ADAMTSL1: variants seen among roughly 807,000 people sequenced by gnomAD.
ADAMTSL1 encodes ADAMTS-like protein 1.
ADAMTSL1 carries 126 observed loss-of-function variants against 201.8 expected under a neutral mutation model. The ratio of observed to expected loss-of-function variants is 0.62; its 90% CI spans 0.54 to 0.72. The LOEUF (loss-of-function observed/expected upper bound fraction) is 0.72. Ranked by LOEUF, ADAMTSL1 falls within the 30% of genes least tolerant of loss-of-function variation. The probability of loss-of-function intolerance (pLI) is 0.00; values close to 1 mark genes in which losing one functional copy is unlikely to be tolerated. For missense variants in ADAMTSL1, 2,679 were observed against 2,277.8 expected (o/e 1.18, Z -3.59); for synonymous variants, 1,121 against 903.4 (o/e 1.24, Z -4.32).
intron 7 of ADAMTSL1, among the ~76,000 whole-genome samples, chr9:18,648,938 T>A (rs1166487997): frequency 2.0e-5 from 3 of 152,348 alleles, no homozygotes; most frequent in Admixed American, 2.0e-4. Flanking sequence ...TTGGCCTGCC[T>A]TGCTAGATTG....
At chr9:17,925,719 G>C (rs10963343) in intron 1 of ADAMTSL1, among the ~76,000 whole-genome samples, 74,869 of 119,820 alleles carry the variant, frequency 0.62, 24,580 homozygotes, top group Admixed American at 0.7. Context: ...GTGGGGGGAG[G>C]GGGGAGGGAT....
chr9:17,933,921 C>T (rs549210044), intron 1 of ADAMTSL1, among the ~76,000 whole-genome samples: 1 of 152,128 alleles, frequency 6.6e-6, no homozygotes, highest in African/African-American at 2.4e-5. Context: ...CTCAAAGATA[C>T]TTGTTTCTGT....
At chr9:18,106,459 C>G (rs1316618488) in intron 1 of ADAMTSL1, among the ~76,000 whole-genome samples, 1 of 152,128 alleles carries the variant, frequency 6.6e-6, no homozygotes, top group Non-Finnish European at 1.5e-5. Context: ...TTTTTCAGGA[C>G]AAGTTTCAAC....
At position 18,504,349 on chromosome 9, in the gene ADAMTSL1, A is replaced by C. The variant is rs148696396; in HGVS notation, c.64-480A>C. 9.5e-3 allele frequency among the ~76,000 whole-genome samples: 1,445 copies of C among 152,296 alleles called. 27 individuals carry two copies. Among genetic ancestry groups the C allele is most frequent in the South Asian group, 0.08 (383 of 4,814 alleles). On this transcript the variant is annotated intron_variant, in intron 1 of 28. Transcript: ENST00000380548. ...AGTTATTCCAACGAGCACATCTGAA[A>C]ACTAGGAATGCAGTTGCTTTATTAA...
chr9:17,948,148 T>C (rs371629751), intron 1 of ADAMTSL1, among the ~76,000 whole-genome samples: 9 of 152,334 alleles, frequency 5.9e-5, no homozygotes, highest in African/African-American at 2.2e-4. Flanking sequence ...AGCTTATTGC[T>C]GCCGGGAGGG....
At chr9:18,122,977 G>A (rs115712825) in intron 1 of ADAMTSL1, among the ~76,000 whole-genome samples, 2,170 of 152,154 alleles carry the variant, frequency 0.014, 40 homozygotes, top group African/African-American at 0.049. Flanking sequence ...GGGCTCAGGC[G>A]ATCCAAATAC....
intron 22 of ADAMTSL1, 78 bp downstream of exon 22, chr9:18,826,541 G>T: frequency 2.0e-6 from 3 of 1,496,698 alleles, no homozygotes; most frequent in South Asian, 2.4e-5. Flanking sequence ...CCTCCTTTGT[G>T]CCCTAATCCA....
intron 2 of ADAMTSL1, among the ~76,000 whole-genome samples, chr9:18,204,838 A>T (rs567594033): frequency 6.6e-6 from 1 of 152,106 alleles, no homozygotes; most frequent in African/African-American, 2.4e-5. Context: ...AGGTGCATCT[A>T]CTCAGACCTG....
At chr9:18,185,660 C>T (rs755763701) in intron 2 of ADAMTSL1, among the ~76,000 whole-genome samples, 6 of 151,944 alleles carry the variant, frequency 3.9e-5, no homozygotes, top group Non-Finnish European at 5.9e-5. Context: ...ACAAAATTAT[C>T]GAGAAATTAT....
At chr9:18,088,910 G>A (rs938215245) in intron 1 of ADAMTSL1, among the ~76,000 whole-genome samples, 1 of 152,114 alleles carries the variant, frequency 6.6e-6, no homozygotes, top group Non-Finnish European at 1.5e-5. Context: ...TTTGAAATCA[G>A]GATCTCAAGG....
intron 13 of ADAMTSL1, among the ~76,000 whole-genome samples, chr9:18,688,738 G>T (rs898907669): frequency 8.6e-6 from 1 of 115,952 alleles, no homozygotes; most frequent in Non-Finnish European, 1.7e-5. Flanking sequence ...CTAATCTCCT[G>T]GGAATGCAGC....
intron 1 of ADAMTSL1, among the ~76,000 whole-genome samples, chr9:17,987,371 A>C: frequency 6.6e-6 from 1 of 152,114 alleles, no homozygotes. Flanking sequence ...ATCAGCAACA[A>C]AAGGTTGCTA....
At chr9:18,073,009 G>A (rs1823035531) in intron 1 of ADAMTSL1, among the ~76,000 whole-genome samples, 1 of 152,172 alleles carries the variant, frequency 6.6e-6, no homozygotes, top group Admixed American at 6.5e-5. Flanking sequence ...CAACGAAGCT[G>A]ATATTTAGTT....
At chr9:18,415,370 A>C (rs1402347416) in intron 2 of ADAMTSL1, among the ~76,000 whole-genome samples, 1 of 152,200 alleles carries the variant, frequency 6.6e-6, no homozygotes, top group Non-Finnish European at 1.5e-5. Flanking sequence ...AAAACAACAA[A>C]TCAAACTTCT....
intron 24 of ADAMTSL1, 94 bp downstream of exon 24, chr9:18,888,137 C>A: frequency 1.5e-6 from 2 of 1,321,190 alleles, no homozygotes; most frequent in Admixed American, 2.2e-5. Flanking sequence ...TTTCTGATCT[C>A]CAGTGGTACT....
chr9:18,426,116 A>T (rs1819209490), intron 2 of ADAMTSL1, among the ~76,000 whole-genome samples: 1 of 152,116 alleles, frequency 6.6e-6, no homozygotes, highest in African/African-American at 2.4e-5. Flanking sequence ...ACTAACCCCT[A>T]AAGTTCTCAG....
intron 10 of ADAMTSL1, among the ~76,000 whole-genome samples, chr9:18,679,047 A>G (rs1830291901): frequency 6.6e-6 from 1 of 152,174 alleles, no homozygotes; most frequent in African/African-American, 2.4e-5. Flanking sequence ...CAGGCAGATA[A>G]CAGTTGTTGC....
chr9:18,273,991 T>G (rs549569343), intron 2 of ADAMTSL1, among the ~76,000 whole-genome samples: 8 of 152,356 alleles, frequency 5.3e-5, no homozygotes, highest in African/African-American at 1.7e-4. Flanking sequence ...CTGTCCTGTG[T>G]GCATACATAC....
intron 1 of ADAMTSL1, among the ~76,000 whole-genome samples, chr9:17,975,476 C>T (rs534586189): frequency 6.6e-6 from 1 of 152,076 alleles, no homozygotes; most frequent in East Asian, 1.9e-4. Flanking sequence ...CTCCACTCAT[C>T]AAGAGCACTA....
Sources: allele counts gnomAD v4.1 joint callset (sites outside exome capture counted in the v4.1 genomes callset), GRCh38; gene constraint gnomAD v4.1.1; transcripts MANE v1.5; gene names NCBI Gene and HGNC (gene_info 2026-07-23, HGNC 2026-07-21).